CDH8: variants seen among roughly 807,000 people sequenced by gnomAD.
The protein encoded by CDH8 is cadherin 8, also known as cadherin-8.
In CDH8, 17 loss-of-function variants were observed where a neutral mutation model predicts 68.1. The ratio of observed to expected loss-of-function variants is 0.25; its 90% CI spans 0.17 to 0.37. CDH8 has a LOEUF of 0.37. Ranked by LOEUF, CDH8 falls within the 10% of genes least tolerant of loss-of-function variation. The pLI, the probability that CDH8 is intolerant of heterozygous loss-of-function variation, is 1.00. For synonymous variants in CDH8, 372 were observed against 365.1 expected, an observed-to-expected ratio of 1.02 and a Z score of -0.21; for missense variants, 763 against 999.3, an observed-to-expected ratio of 0.76 and a Z score of 3.19.
intron 8 of CDH8, among the ~76,000 whole-genome samples, chr16:61,761,918 T>A (rs1960480827): frequency 6.6e-6 from 1 of 152,156 alleles, no homozygotes; most frequent in South Asian, 2.1e-4. Context: ...GAGGATCACT[T>A]GAACCTACAG....
chr16:61,901,151 AG>A (rs1289162356), intron 3 of CDH8, 27 bp downstream of exon 3: 29 of 1,589,230 alleles, frequency 1.8e-5, no homozygotes, highest in Non-Finnish European at 2.2e-5. Flanking sequence ...GACTTTTAAT[AG>A]ATCTGTGAAA....
chr16:61,972,571 G>GGGGGGGGTGT (rs369833002), intron 2 of CDH8, among the ~76,000 whole-genome samples: 2 of 131,466 alleles, frequency 1.5e-5, no homozygotes, highest in African/African-American at 2.8e-5. Context: ...ACACATTGTG[G>GGGGGGGGTGT]GTGTGTGTGT....
chr16:61,926,250 AAATAG>A (rs1964455556), intron 2 of CDH8, among the ~76,000 whole-genome samples: 1 of 152,104 alleles, frequency 6.6e-6, no homozygotes, highest in African/African-American at 2.4e-5. Flanking sequence ...GGGAAGAATG[AAATAG>A]AATAAACATT....
intron 1 of CDH8, among the ~76,000 whole-genome samples, chr16:62,026,900 G>A (rs1454982283): frequency 6.6e-6 from 1 of 152,206 alleles, no homozygotes; most frequent in Non-Finnish European, 1.5e-5. Flanking sequence ...ATGCAACTGA[G>A]TCTTATGTCA....
intron 10 of CDH8, among the ~76,000 whole-genome samples, chr16:61,672,785 A>G (rs1241705831): frequency 6.6e-6 from 1 of 152,104 alleles, no homozygotes; most frequent in Non-Finnish European, 1.5e-5. Context: ...AAGGTTCTTC[A>G]AGATTCATAT....
rs562745527 is a variant in CDH8 at position 62,032,187 on chromosome 16, T to A, written c.-200+3893A>T. 1.8e-4 allele frequency among the ~76,000 whole-genome samples: 28 copies of A among 152,224 alleles called. No homozygotes were observed. The East Asian group carries it at 3.9e-3, about 21-fold the overall frequency. On this transcript the variant is annotated intron_variant, in intron 1 of 11. Transcript: ENST00000577390. ...TAACATTTTTTGAAAGACTGATCAATATACAAATCAGAGTAGCCAGAAAGG... is the reference window on the plus strand; with the variant it reads ...TAACATTTTTTGAAAGACTGATCAAAATACAAATCAGAGTAGCCAGAAAGG...
chr16:61,955,476 G>A (rs999645819), intron 2 of CDH8, among the ~76,000 whole-genome samples: 3 of 152,158 alleles, frequency 2.0e-5, no homozygotes, highest in Non-Finnish European at 4.4e-5. Flanking sequence ...GTCTCTTTGA[G>A]CCTCTGGTTC....
At chr16:62,011,338 C>T (rs80162706) in intron 2 of CDH8, among the ~76,000 whole-genome samples, 648 of 152,204 alleles carry the variant, frequency 4.3e-3, no homozygotes, top group Non-Finnish European at 7.0e-3. Context: ...GGTAGGAGCA[C>T]GGGTGCACAC....
chr16:61,867,392 G>T (rs1201963375), intron 3 of CDH8, among the ~76,000 whole-genome samples: 5 of 152,050 alleles, frequency 3.3e-5, no homozygotes, highest in African/African-American at 1.2e-4. Context: ...GAGCCAAAAT[G>T]GAACAATTAG....
At chr16:61,713,243 G>A (rs2142868140) in intron 10 of CDH8, among the ~76,000 whole-genome samples, 1 of 151,656 alleles carries the variant, frequency 6.6e-6, no homozygotes, top group East Asian at 1.9e-4. Context: ...ATCCAAGGTT[G>A]GTCCTCAGAA....
intron 4 of CDH8, among the ~76,000 whole-genome samples, chr16:61,853,919 T>C (rs1384339372): frequency 3.9e-5 from 6 of 152,066 alleles, no homozygotes; most frequent in Non-Finnish European, 8.8e-5. Context: ...GCTAAATCTA[T>C]AGAATTAAAA....
intron 2 of CDH8, among the ~76,000 whole-genome samples, chr16:61,980,936 T>C (rs1965519584): frequency 6.6e-6 from 1 of 152,204 alleles, no homozygotes; most frequent in African/African-American, 2.4e-5. Context: ...TTCTGCAACT[T>C]ACCAGTTGCA....
At chr16:61,844,505 C>G (rs1174124611) in intron 4 of CDH8, among the ~76,000 whole-genome samples, 1 of 152,126 alleles carries the variant, frequency 6.6e-6, no homozygotes, top group Non-Finnish European at 1.5e-5. Context: ...TTTTCAGTTA[C>G]TTTAGATGAC....
intron 2 of CDH8, among the ~76,000 whole-genome samples, chr16:61,997,218 C>T (rs987523875): frequency 2.2e-4 from 34 of 152,036 alleles, no homozygotes; most frequent in Non-Finnish European, 3.2e-4. Context: ...CACAATATTC[C>T]GCAATCCTGC....
chr16:61,670,792 C>A (rs1234941393), intron 10 of CDH8, among the ~76,000 whole-genome samples: 2 of 151,790 alleles, frequency 1.3e-5, no homozygotes, highest in Non-Finnish European at 2.9e-5. Context: ...TGATTACCTA[C>A]ATAGGTAGTT....
At chr16:61,673,533 T>C (rs990892171) in intron 10 of CDH8, among the ~76,000 whole-genome samples, 3 of 152,190 alleles carry the variant, frequency 2.0e-5, no homozygotes, top group African/African-American at 7.2e-5. Context: ...TAGACTTGCA[T>C]TATTCTTGTT....
chr16:61,706,620 C>CAAAAAAAAAAAAAAAAAAAAA (rs781148249), intron 10 of CDH8, among the ~76,000 whole-genome samples: 7 of 60,380 alleles, frequency 1.2e-4, no homozygotes, highest in African/African-American at 2.1e-4. Flanking sequence ...GACTCTGTCT[C>CAAAAAAAAAAAAAAAAAAAAA]AAAAAAAAAA....
At chr16:61,737,546 C>T (rs1959731540) in intron 8 of CDH8, among the ~76,000 whole-genome samples, 1 of 152,056 alleles carries the variant, frequency 6.6e-6, no homozygotes, top group Admixed American at 6.6e-5. Context: ...GTTAAGCTCT[C>T]AATGACTAAA....
intron 8 of CDH8, among the ~76,000 whole-genome samples, chr16:61,752,926 T>C (rs766679973): frequency 2.0e-4 from 31 of 152,146 alleles, no homozygotes; most frequent in Admixed American, 1.9e-3. Flanking sequence ...TACAGCAACA[T>C]AGACAGCTTT....
Sources: allele counts gnomAD v4.1 joint callset (sites outside exome capture counted in the v4.1 genomes callset), GRCh38; gene constraint gnomAD v4.1.1; transcripts MANE v1.5; gene names NCBI Gene and HGNC (gene_info 2026-07-23, HGNC 2026-07-21).